Variants in ZSWIM8 observed in about 807,000 individuals in gnomAD.
The protein encoded by ZSWIM8 is zinc finger SWIM-type containing 8, also known as zinc finger SWIM domain-containing protein 8.
Under a neutral mutation model 173.7 loss-of-function variants are expected in ZSWIM8, and 27 were observed. The ratio of observed to expected loss-of-function variants is 0.16; its 90% CI spans 0.11 to 0.21. The LOEUF (loss-of-function observed/expected upper bound fraction) is 0.21, where lower values mean the gene tolerates loss of function less well. Among genes scored for constraint, ZSWIM8 ranks in the 10% least tolerant of loss-of-function variants. The probability of loss-of-function intolerance (pLI) is 1.00; values close to 1 mark genes in which losing one functional copy is unlikely to be tolerated. For synonymous variants in ZSWIM8, 958 were observed against 962.0 expected (o/e 1.00, Z 0.08); for missense variants, 1,627 against 2,428.8 (o/e 0.67, Z 6.94).
rs1269158466 is a variant in ZSWIM8 at position 73,789,703 on chromosome 10, T to C, written c.631-14T>C. 2 of 1,586,598 alleles carry C rather than the reference T, an allele frequency of 1.3e-6. No individual in the cohort carries two copies. Among genetic ancestry groups the C allele is most frequent in the Non-Finnish European group, 1.7e-6 (2 of 1,166,378 alleles). ...GTTCTCAGATTGTTCCATTTTTCTC[T>C]GTGTCCCCTTCAGGCTTCTGCAGTC... On this transcript the variant is annotated splice_polypyrimidine_tract_variant and intron_variant, in intron 4 of 25. Coordinates refer to ENST00000604729, the MANE Select transcript of ZSWIM8 (RefSeq NM_001367799.1). The surrounding 1 kb of genome is among the most constrained non-coding windows in gnomAD (Gnocchi z 6.8).
chr10:73,798,274 G>C lies in ZSWIM8; in HGVS notation c.3997G>C (p.Glu1333Gln). 1 of 1,614,054 alleles carries C rather than the reference G, an allele frequency of 6.2e-7. No homozygotes were observed. The highest frequency in any genetic ancestry group is 2.2e-5 in the East Asian group (1 of 44,888). The change falls in exon 20 of 26, where the codon GAA becomes CAA. Residue 1333 changes from glutamate to glutamine, a missense_variant. Transcript: ENST00000604729. ...CAGCGCAGCCCTGACTATACTGGTA[G>C]AATGCTGGGATGGGCACCTGACACC... The part of the protein sequence containing the change: ...IGSAALTILV[E>Q]CWDGHLTPPE...
Position 73,792,402 on chromosome 10 carries a change from GAGCCTGGATGACAGC to G in ZSWIM8, c.1871_1885del (p.Asp624_Leu628del). The G allele has an allele frequency of 6.2e-7, 1 of 1,604,568 alleles. No homozygotes were observed. The highest frequency in any genetic ancestry group is 8.5e-7 in the Non-Finnish European group (1 of 1,175,530). On this transcript the variant is annotated inframe_deletion, in exon 10 of 26. Transcript: ENST00000604729. The surrounding 1 kb of genome is among the most constrained non-coding windows in gnomAD (Gnocchi z 4.3). ...CCCTGGAGCCAGACCTGGCCGAGATGAGCCTGGATGACAGCAGCCTGGCCCTGGGCGCAGAGGCCA... is the reference window on the plus strand; with the variant it reads ...CCCTGGAGCCAGACCTGGCCGAGATGAGCCTGGCCCTGGGCGCAGAGGCCA...
At chr10:73,793,352 C>A (rs931358336) in intron 10 of ZSWIM8, among the ~76,000 whole-genome samples, 3 of 152,220 alleles carry the variant, frequency 2.0e-5, no homozygotes, top group African/African-American at 7.2e-5. Flanking sequence ...CTCTCTGATA[C>A]TGTCCCTGTG....
Position 73,797,800 on chromosome 10 carries a change from G to A in ZSWIM8, c.3682G>A (p.Glu1228Lys), listed in dbSNP as rs772194740. 5 of 1,612,470 alleles carry A rather than the reference G, an allele frequency of 3.1e-6. No individual in the cohort carries two copies. The highest frequency in any genetic ancestry group is 1.1e-5 in the South Asian group (1 of 91,034). Residue 1228 changes from glutamate (E) to lysine (K), a missense_variant, in exon 19 of 26, where the codon GAG (glutamate) becomes AAG (lysine). Glu to Lys is a moderately conservative substitution (Grantham distance 56, BLOSUM62 1). Transcript: ENST00000604729. This position sits in a 1 kb window ranked among gnomAD's most constrained non-coding sequence, Gnocchi z 5.6. The part of the protein sequence containing the change: ...EVGRYKGRRP[E>K]SHAPHVPNQP... ...CTTCAGGTACAAGGGCCGCCGCCCC[G>A]AGAGTCATGCCCCTCATGTACCCAA...
In ZSWIM8 at chr10:73,793,958, C is replaced by T. The variant is rs202069931; in HGVS notation, c.2539C>T (p.Arg847Cys). ...AAFLLTVLSE[R>C]PEHHNLAFRV... Reference sequence around the variant, plus strand: ...CTTCCTGTTGACAGTGCTAAGTGAGCGTCCAGAGCACCACAACCTGGCCTT... The same window carrying T: ...CTTCCTGTTGACAGTGCTAAGTGAGTGTCCAGAGCACCACAACCTGGCCTT... The change falls in exon 12 of 26, where the codon CGT becomes TGT. Residue 847 changes from arginine (R) to cysteine (C), a missense_variant. Physicochemically the swap from Arg to Cys is radical, Grantham distance 180 (BLOSUM62 -3). This residue lies in a region of ZSWIM8 where 169 missense variants were observed against 235.3 expected (regional missense o/e 0.72). Transcript: ENST00000604729. 104 of 1,613,268 alleles carry T rather than the reference C, an allele frequency of 6.4e-5. No homozygotes were observed. Among genetic ancestry groups the T allele is most frequent in the Non-Finnish European group, 1.1e-5 (13 of 1,179,626 alleles).
rs762613309 is a variant in ZSWIM8 at position 73,792,369 on chromosome 10, A to T, written c.1830A>T (p.Glu610Asp). The T allele has an allele frequency of 6.2e-7, 1 of 1,609,322 alleles. No homozygotes were observed. Among genetic ancestry groups the T allele is most frequent in the Non-Finnish European group, 8.5e-7 (1 of 1,177,942 alleles). The change falls in exon 10 of 26, where the codon GAA becomes GAT. Residue 610 changes from glutamate to aspartate, a missense_variant. Glu to Asp is a conservative substitution (Grantham distance 45, BLOSUM62 2). Around this residue, in one of 18 missense-constraint regions of ZSWIM8, gnomAD observed 383 missense variants for 394.8 expected, o/e 0.97. Coordinates refer to ENST00000604729, the MANE Select transcript of ZSWIM8 (RefSeq NM_001367799.1). The surrounding 1 kb of genome is among the most constrained non-coding windows in gnomAD (Gnocchi z 4.3). ...GAAGCAAGCGACGGCTGAGCAGCGA[A>T]GACAGCTCCCTGGAGCCAGACCTGG... ...GGGSKRRLSS[E>D]DSSLEPDLAE...
chr10:73,793,481 C>A, intron 10 of ZSWIM8, 107 bp from the exon 11 acceptor site: 1 of 1,321,890 alleles, frequency 7.6e-7, no homozygotes, highest in Non-Finnish European at 1.0e-6. Context: ...GGCACAGGGC[C>A]TGGCATGTAG....
Position 73,789,961 on chromosome 10 carries a change from C to G in ZSWIM8, c.744C>G (p.Leu248=). ...YLISELPQQI[L]PTAQRLLDEL... is the part of the protein sequence containing the mutation. Reference sequence around the variant, plus strand: ...TCCGTCTCTTTCTCCCTCAGATCCTCCCCACAGCTCAGCGTCTCCTGGACG... The same window carrying G: ...TCCGTCTCTTTCTCCCTCAGATCCTGCCCACAGCTCAGCGTCTCCTGGACG... The change falls in exon 6 of 26, where the codon CTC becomes CTG. Residue 248 remains leucine, a synonymous_variant. Transcript: ENST00000604729. The surrounding 1 kb of genome is among the most constrained non-coding windows in gnomAD (Gnocchi z 6.8). The G allele has an allele frequency of 6.2e-7, 1 of 1,612,982 alleles. No individual in the cohort carries two copies. The highest frequency in any genetic ancestry group is 8.5e-7 in the Non-Finnish European group (1 of 1,179,482).
Position 73,792,518 on chromosome 10 carries a change from T to C in ZSWIM8, c.1979T>C (p.Leu660Pro). 1 of 1,613,934 alleles carries C rather than the reference T, an allele frequency of 6.2e-7. No individual in the cohort carries two copies. The highest frequency in any genetic ancestry group is 1.1e-5 in the South Asian group (1 of 91,082). Reference sequence around the variant, plus strand: ...GGCTCCCGAGGCCCTTCCACTTTCCTTCCTGAGCCCCCAGATACTTATGAA... The same window carrying C: ...GGCTCCCGAGGCCCTTCCACTTTCCCTCCTGAGCCCCCAGATACTTATGAA... ...HGGSRGPSTF[L>P]PEPPDTYEED... Residue 660 changes from leucine (L) to proline (P), a missense_variant, in exon 10 of 26, where the codon CTT (leucine) becomes CCT (proline). Leu to Pro is a moderately conservative substitution (Grantham distance 98). Coordinates refer to ENST00000604729, the MANE Select transcript of ZSWIM8 (RefSeq NM_001367799.1). This position sits in a 1 kb window ranked among gnomAD's most constrained non-coding sequence, Gnocchi z 4.3.
Position 73,801,380 on chromosome 10 carries a change from G to A in ZSWIM8, c.5366G>A (p.Arg1789Gln), listed in dbSNP as rs191084974. 18 of 1,613,950 alleles carry A rather than the reference G, an allele frequency of 1.1e-5. No individual in the cohort carries two copies. Among genetic ancestry groups the A allele is most frequent in the African/African-American group, 5.3e-5 (4 of 75,032 alleles). The part of the protein sequence containing the change: ...ADYDDFVNAI[R>Q]SARSAFCLTP... ...TACGACGACTTTGTGAATGCGATCC[G>A]GAGTGCCCGCAGCGCCTTCTGCCTG... Residue 1789 changes from arginine (R) to glutamine (Q), a missense_variant, in exon 26 of 26, where the codon CGG becomes CAG. Around this residue, in one of 18 missense-constraint regions of ZSWIM8, gnomAD observed 122 missense variants for 196.1 expected, o/e 0.62. Transcript: ENST00000604729. The surrounding 1 kb of genome is among the most constrained non-coding windows in gnomAD (Gnocchi z 4.9).
intron 1 of ZSWIM8, chr10:73,786,482 G>A (rs2083231442): frequency 5.4e-6 from 1 of 185,242 alleles, no homozygotes; most frequent in Admixed American, 6.2e-5. Context: ...AGTGAGTTCA[G>A]TCTGAGGCAT....
At chr10:73,795,402 C>CT (rs1335503277) in intron 14 of ZSWIM8, 137 bp from the exon 15 acceptor site, 1 of 1,363,376 alleles carries the variant, frequency 7.3e-7, no homozygotes, top group Non-Finnish European at 1.0e-6. Flanking sequence ...TCAACGAAGA[C>CT]TTCTATAGGT....
rs762057470 is a variant in ZSWIM8 at position 73,797,049 on chromosome 10, G to A, written c.3274+35G>A. ...GGGCACTGGGCAGGGGGGATGAATG[G>A]TGTGGACCTATGTTGAGGTCCCCTT... is the stretch of plus-strand genomic sequence containing the variant. On this transcript the variant is annotated intron_variant, in intron 16 of 25. Transcript: ENST00000604729. This position sits in a 1 kb window ranked among gnomAD's most constrained non-coding sequence, Gnocchi z 5.6. The A allele has an allele frequency of 6.2e-7, 1 of 1,611,652 alleles. No homozygotes were observed. Among genetic ancestry groups the A allele is most frequent in the Admixed American group, 1.7e-5 (1 of 59,882 alleles).
At chr10:73,790,146 G>A (rs2132674087) in intron 6 of ZSWIM8, 26 bp from the exon 7 acceptor site, 1 of 1,611,290 alleles carries the variant, frequency 6.2e-7, no homozygotes, top group East Asian at 2.2e-5. Context: ...CCTATCTCTA[G>A]ATGACTGACT....
Position 73,790,042 on chromosome 10 carries a change from G to C in ZSWIM8, c.820+5G>C. 1 of 1,611,456 alleles carries C rather than the reference G, an allele frequency of 6.2e-7. No individual in the cohort carries two copies. Among genetic ancestry groups the C allele is most frequent in the Non-Finnish European group, 8.5e-7 (1 of 1,178,852 alleles). On this transcript the variant is annotated splice_donor_5th_base_variant and intron_variant, in intron 6 of 25. Transcript: ENST00000604729. ...ATACAGTGTGTGGAGCTCCGGGTGA[G>C]TGTGGTGAGAAAGATTGGCAGTAGG...
Position 73,801,215 on chromosome 10 carries a change from G to A in ZSWIM8, c.5301+20G>A, listed in dbSNP as rs2083943741. 1.3e-6 allele frequency: 2 copies of A among 1,599,546 alleles called. No homozygotes were observed. Among genetic ancestry groups the A allele is most frequent in the African/African-American group, 1.3e-5 (1 of 74,670 alleles). ...ATGCAGGTGACAACCTAGAATTATG[G>A]AGCAGGGTGGAGCACTTCCTGGGTG... On this transcript the variant is annotated intron_variant, in intron 25 of 25. Coordinates refer to ENST00000604729, the MANE Select transcript of ZSWIM8 (RefSeq NM_001367799.1). The surrounding 1 kb of genome is among the most constrained non-coding windows in gnomAD (Gnocchi z 4.9).
chr10:73,799,251 G>GCAGCGGCAGCAGTGA lies in ZSWIM8; in HGVS notation c.4431_4445dup (p.Val1480_Ala1484dup). The GCAGCGGCAGCAGTGA allele has an allele frequency of 2.5e-6, 4 of 1,599,192 alleles. No individual in the cohort carries two copies. The highest frequency in any genetic ancestry group is 2.6e-6 in the Non-Finnish European group (3 of 1,173,430). ...CCCAGGGACTGAGCCGGTTACAGTG[G>GCAGCGGCAGCAGTGA]CAGCGGCAGCAGTGACAGCAGCAGC... On this transcript the variant is annotated inframe_insertion, in exon 21 of 26. Coordinates refer to ENST00000604729, the MANE Select transcript of ZSWIM8 (RefSeq NM_001367799.1).
At chr10:73,798,878 G>C (rs921918977) in intron 20 of ZSWIM8, 124 bp from the exon 21 acceptor site, 6 of 1,338,488 alleles carry the variant, frequency 4.5e-6, no homozygotes, top group Non-Finnish European at 6.1e-6. Context: ...TCTAAGCATT[G>C]ACACTGACCT....
In ZSWIM8 at chr10:73,796,836, C is replaced by G; in HGVS notation, c.3096C>G (p.Phe1032Leu). The G allele has an allele frequency of 6.2e-7, 1 of 1,614,058 alleles. No individual in the cohort carries two copies. The highest frequency in any genetic ancestry group is 8.5e-7 in the Non-Finnish European group (1 of 1,179,898). Residue 1032 changes from phenylalanine to leucine, a missense_variant, in exon 16 of 26, where the codon TTC (phenylalanine) becomes TTG (leucine). Phe to Leu is a conservative substitution (Grantham distance 22). Coordinates refer to ENST00000604729, the MANE Select transcript of ZSWIM8 (RefSeq NM_001367799.1). ...ATAAGCCACAGACGCTGAGTTCTTT[C>G]TACTCATCTAGCCGCCCAACCACAG... ...QTHKPQTLSS[F>L]YSSSRPTTAS...
Sources: gnomAD v4.1 joint callset for allele counts (sites outside exome capture counted in the v4.1 genomes callset) on GRCh38, gnomAD v4.1.1 for gene constraint, gnomAD v4.1.1 regional missense constraint, Gnocchi (gnomAD v3.1) non-coding constraint, MANE v1.5 for transcripts, NCBI Gene and HGNC (gene_info 2026-07-23, HGNC 2026-07-21) for gene names.